Variants in PDE10A observed in about 807,000 individuals in gnomAD.
PDE10A encodes phosphodiesterase 10A.
A neutral mutation model predicts 97.7 loss-of-function variants in PDE10A; 39 were observed. That is an observed-to-expected ratio of 0.40 (90% CI 0.31 to 0.52). The LOEUF (loss-of-function observed/expected upper bound fraction) is 0.52. PDE10A is among the 20% of genes least tolerant of loss of function. The pLI, the probability that PDE10A is intolerant of heterozygous loss-of-function variation, is 0.56. For synonymous variants in PDE10A, 371 were observed against 376.8 expected (o/e 0.98, Z 0.18); for missense variants, 731 against 1,047.8 (o/e 0.70, Z 4.17).
intron 1 of PDE10A, among the ~76,000 whole-genome samples, chr6:165,741,651 T>C (rs1263748501): frequency 3.3e-5 from 5 of 152,232 alleles, no homozygotes; most frequent in African/African-American, 4.8e-5. Flanking sequence ...CACAGCATAC[T>C]ATATATTATA....
chr6:165,602,564 C>T (rs978991419), intron 1 of PDE10A, among the ~76,000 whole-genome samples: 1 of 152,196 alleles, frequency 6.6e-6, no homozygotes, highest in Middle Eastern at 3.2e-3. Context: ...TTTCAGGGCC[C>T]AGCATGTGTA....
intron 3 of PDE10A, among the ~76,000 whole-genome samples, chr6:165,457,786 G>A (rs1425124471): frequency 6.7e-6 from 1 of 150,050 alleles, no homozygotes; most frequent in Non-Finnish European, 1.5e-5. Flanking sequence ...GTTAATTGTT[G>A]GTTCAGAAAG....
At chr6:165,371,613 G>A (rs1178310130) in intron 18 of PDE10A, among the ~76,000 whole-genome samples, 2 of 152,158 alleles carry the variant, frequency 1.3e-5, no homozygotes, top group Admixed American at 6.5e-5. Flanking sequence ...AAGAGTCCAG[G>A]ACCAGATGGA....
intron 2 of PDE10A, among the ~76,000 whole-genome samples, chr6:165,524,960 C>T (rs1782342634): frequency 1.3e-5 from 2 of 152,172 alleles, no homozygotes; most frequent in South Asian, 4.1e-4. Context: ...CTCCCTGACC[C>T]ATGCTGCCAT....
At chr6:165,533,431 T>C (rs141823574) in intron 2 of PDE10A, among the ~76,000 whole-genome samples, 1 of 152,238 alleles carries the variant, frequency 6.6e-6, no homozygotes, top group Non-Finnish European at 1.5e-5. Context: ...ATACTGTAGG[T>C]AGCTATAATA....
intron 1 of PDE10A, among the ~76,000 whole-genome samples, chr6:165,826,299 C>CTTT (rs71029566): frequency 0.011 from 1,076 of 94,172 alleles, 10 homozygotes; most frequent in African/African-American, 0.05. Context: ...TCCCCATGTC[C>CTTT]GTCTTCATGT....
chr6:165,403,180 A>G (rs1786807799), intron 13 of PDE10A, among the ~76,000 whole-genome samples: 1 of 152,212 alleles, frequency 6.6e-6, no homozygotes. Flanking sequence ...TGAAGCTCTC[A>G]GCGCTATCAG....
intron 1 of PDE10A, among the ~76,000 whole-genome samples, chr6:165,936,828 A>C (rs953232755): frequency 2.6e-5 from 4 of 152,210 alleles, no homozygotes; most frequent in Non-Finnish European, 4.4e-5. Flanking sequence ...TTTTAACCCA[A>C]TAGTGTGAAT....
At chr6:165,775,212 G>GC (rs1237221965) in intron 1 of PDE10A, 2 of 152,160 alleles carry the variant, frequency 1.3e-5, no homozygotes, top group Non-Finnish European at 2.9e-5. Context: ...GTCAACAAAT[G>GC]CAAACCTCTG....
At chr6:165,896,521 A>ATT (rs35509574) in intron 1 of PDE10A, among the ~76,000 whole-genome samples, 4,388 of 105,702 alleles carry the variant, frequency 0.042, 375 homozygotes, top group African/African-American at 0.14. Flanking sequence ...ACGCCAGCTA[A>ATT]TTTTTTTTTT....
intron 1 of PDE10A, among the ~76,000 whole-genome samples, chr6:165,857,665 G>C (rs529090150): frequency 6.6e-6 from 1 of 151,606 alleles, no homozygotes; most frequent in South Asian, 2.1e-4. Flanking sequence ...TTGGAGCCCT[G>C]TTCTTGCCTT....
At chr6:165,571,808 T>G (rs1015687888) in intron 1 of PDE10A, among the ~76,000 whole-genome samples, 5 of 152,254 alleles carry the variant, frequency 3.3e-5, no homozygotes, top group African/African-American at 1.2e-4. Flanking sequence ...TTGCTGACAC[T>G]ATAGCTGTTC....
intron 1 of PDE10A, among the ~76,000 whole-genome samples, chr6:165,769,547 T>C (rs1467267041): frequency 6.6e-6 from 1 of 152,194 alleles, no homozygotes; most frequent in South Asian, 2.1e-4. Context: ...TATGCAGACT[T>C]CTGGCTGCAC....
At chr6:165,668,112 T>C (rs538998795), upstream of PDE10A, among the ~76,000 whole-genome samples, 1 of 152,322 alleles carries the variant, frequency 6.6e-6, no homozygotes, top group South Asian at 2.1e-4. Flanking sequence ...AAGAATTAAA[T>C]AAAAGCAGTG....
At chr6:165,869,796 T>C (rs1411067089) in intron 1 of PDE10A, among the ~76,000 whole-genome samples, 1 of 152,030 alleles carries the variant, frequency 6.6e-6, no homozygotes, top group African/African-American at 2.4e-5. Flanking sequence ...AATCCATGTA[T>C]TTACAGCAAA....
chr6:165,937,412 G>T (rs184189), intron 1 of PDE10A, among the ~76,000 whole-genome samples: 15,045 of 152,034 alleles, frequency 0.099, 1,011 homozygotes, highest in African/African-American at 0.18. Flanking sequence ...TGAGATTTTC[G>T]CATTCTCTTA....
At chr6:165,833,015 A>G (rs908203907) in intron 1 of PDE10A, among the ~76,000 whole-genome samples, 1 of 152,170 alleles carries the variant, frequency 6.6e-6, no homozygotes, top group Non-Finnish European at 1.5e-5. Flanking sequence ...AGCTGGAAAA[A>G]CAATTAACAC....
At chr6:165,891,595 G>A (rs1238680664) in intron 1 of PDE10A, among the ~76,000 whole-genome samples, 5 of 152,124 alleles carry the variant, frequency 3.3e-5, no homozygotes, top group East Asian at 3.9e-4. Context: ...CCTGCCACCA[G>A]GGGACTAGAT....
chr6:165,788,889 T>G (rs554233135), intron 1 of PDE10A, among the ~76,000 whole-genome samples: 173 of 152,070 alleles, frequency 1.1e-3, no homozygotes, highest in Non-Finnish European at 2.1e-3. Context: ...GCAGGACAAA[T>G]GGAAGCCAAG....
Sources: gnomAD v4.1 joint callset for allele counts (sites outside exome capture counted in the v4.1 genomes callset) on GRCh38, gnomAD v4.1.1 for gene constraint, MANE v1.5 for transcripts, NCBI Gene and HGNC (gene_info 2026-07-23, HGNC 2026-07-21) for gene names.